S100Z: variants seen among roughly 807,000 people sequenced by gnomAD.
S100Z encodes S100 calcium binding protein Z, also known as protein S100-Z.
A neutral mutation model predicts 8.5 loss-of-function variants in S100Z; 11 were observed. The ratio of observed to expected loss-of-function variants is 1.30; its 90% CI spans 0.82 to 2.15. S100Z has a LOEUF of 2.15. S100Z is among the 30% of genes most tolerant of loss of function. The probability of loss-of-function intolerance (pLI) is 0.00; values close to 1 mark genes in which losing one functional copy is unlikely to be tolerated. For missense variants in S100Z, 126 were observed against 117.9 expected, an observed-to-expected ratio of 1.07 and a Z score of -0.32; for synonymous variants, 34 against 43.8, an observed-to-expected ratio of 0.78 and a Z score of 0.89.
At chr5:76,895,850 C>T (rs939767044) in intron 4 of S100Z, among the ~76,000 whole-genome samples, 1 of 149,492 alleles carries the variant, frequency 6.7e-6, no homozygotes, top group African/African-American at 2.5e-5. Context: ...GCAATCTCCG[C>T]CTCCCAGGTT....
chr5:76,947,688 C>G, the S100Z span, among the ~76,000 whole-genome samples: 1 of 152,242 alleles, frequency 6.6e-6, no homozygotes, highest in South Asian at 2.1e-4. Flanking sequence ...TTGAGCAGAA[C>G]AGAGAGCCAG....
chr5:76,858,982 T>G (rs1237886983), intron 1 of S100Z, among the ~76,000 whole-genome samples: 3 of 151,890 alleles, frequency 2.0e-5, no homozygotes, highest in Non-Finnish European at 4.4e-5. Context: ...GGCATGAGAG[T>G]GCACGCCTGT....
intron 1 of S100Z, among the ~76,000 whole-genome samples, chr5:76,862,198 G>A (rs542389852): frequency 1.3e-5 from 2 of 151,568 alleles, no homozygotes. Context: ...GAAAAGTAGA[G>A]TAGCCTAATG....
chr5:76,891,939 C>T (rs953295714), intron 4 of S100Z, among the ~76,000 whole-genome samples: 1 of 152,136 alleles, frequency 6.6e-6, no homozygotes, highest in Non-Finnish European at 1.5e-5. Flanking sequence ...TACAGTGGCT[C>T]ACCTGCATCA....
At chr5:76,913,145 T>C (rs537653671) in intron 4 of S100Z, among the ~76,000 whole-genome samples, 15 of 152,380 alleles carry the variant, frequency 9.8e-5, no homozygotes, top group Admixed American at 9.1e-4. Flanking sequence ...TTGTTGTCAG[T>C]GTAAACAAGG....
chr5:76,862,638 T>G (rs1476150138), intron 1 of S100Z, among the ~76,000 whole-genome samples: 1 of 151,814 alleles, frequency 6.6e-6, no homozygotes, highest in Non-Finnish European at 1.5e-5. Flanking sequence ...GTCTCTACTA[T>G]AAATATAAAA....
chr5:76,860,506 T>C (rs1751024969), intron 1 of S100Z, among the ~76,000 whole-genome samples: 1 of 152,106 alleles, frequency 6.6e-6, no homozygotes, highest in South Asian at 2.1e-4. Flanking sequence ...TGGAGTTCTA[T>C]GTTGCAAATC....
At chr5:76,856,441 C>T (rs1410116220) in intron 1 of S100Z, among the ~76,000 whole-genome samples, 1 of 152,222 alleles carries the variant, frequency 6.6e-6, no homozygotes, top group Non-Finnish European at 1.5e-5. Context: ...CTCAGGCGAT[C>T]CACCTGCCTC....
chr5:76,940,605 G>A, the S100Z span, among the ~76,000 whole-genome samples: 1 of 151,956 alleles, frequency 6.6e-6, no homozygotes, highest in Non-Finnish European at 1.5e-5. Flanking sequence ...TAGAGAAGGG[G>A]TTTCACCATG....
intron 1 of S100Z, among the ~76,000 whole-genome samples, chr5:76,859,013 C>G (rs1750969498): frequency 6.6e-6 from 1 of 152,126 alleles, no homozygotes; most frequent in Admixed American, 6.6e-5. Flanking sequence ...ACTCAGTAGG[C>G]TGAGGCATGA....
At chr5:76,930,648 A>G in the S100Z span, among the ~76,000 whole-genome samples, 31,011 of 152,108 alleles carry the variant, frequency 0.2, 3,474 homozygotes, top group Middle Eastern at 0.36. Flanking sequence ...ATTCCCTGTT[A>G]GCTTGTCAGC....
At chr5:76,938,165 T>A in the S100Z span, among the ~76,000 whole-genome samples, 4 of 152,234 alleles carry the variant, frequency 2.6e-5, no homozygotes, top group South Asian at 2.1e-4. Flanking sequence ...CTAATGGGAA[T>A]AGACAGGGGA....
At chr5:76,918,660 A>G (rs549113525) in intron 4 of S100Z, among the ~76,000 whole-genome samples, 1 of 152,322 alleles carries the variant, frequency 6.6e-6, no homozygotes, top group East Asian at 1.9e-4. Context: ...CCACAGTGGT[A>G]TATTTGTTAC....
chr5:76,889,320 C>T lies in S100Z; in HGVS notation c.*2+11486C>T, dbSNP rs192880666. Among the ~76,000 whole-genome samples, 264 of 152,186 alleles carry T rather than the reference C, an allele frequency of 1.7e-3. 4 individuals are homozygous for T. The highest frequency in any genetic ancestry group is 0.012 in the Admixed American group (190 of 15,264). ...AACGTAAGACAAGAGCCCTGGTGTT[C>T]GTCCGCTCATTGAAGCCGTATCATT... On this transcript the variant is annotated intron_variant, in intron 4 of 4. Transcript: ENST00000317593.
At chr5:76,851,052 T>C (rs1455216972) in intron 1 of S100Z, among the ~76,000 whole-genome samples, 1 of 152,218 alleles carries the variant, frequency 6.6e-6, no homozygotes, top group Non-Finnish European at 1.5e-5. Context: ...CTAATTAACG[T>C]TGGCTACTAT....
At chr5:76,924,027 G>A (rs1025813630), downstream of S100Z, among the ~76,000 whole-genome samples, 2 of 152,056 alleles carry the variant, frequency 1.3e-5, no homozygotes, top group African/African-American at 4.8e-5. Flanking sequence ...AAACACAATT[G>A]CCTTTGATCC....
At chr5:76,934,952 G>A in the S100Z span, among the ~76,000 whole-genome samples, 1 of 152,242 alleles carries the variant, frequency 6.6e-6, no homozygotes, top group African/African-American at 2.4e-5. Context: ...GCCCTTTGTG[G>A]CCCCATGAGT....
At chr5:76,905,086 G>C (rs1744379259) in intron 4 of S100Z, among the ~76,000 whole-genome samples, 1 of 152,038 alleles carries the variant, frequency 6.6e-6, no homozygotes, top group Non-Finnish European at 1.5e-5. Context: ...TAGAGGCCAG[G>C]GATGCTGCTA....
chr5:76,941,810 G>A, the S100Z span, among the ~76,000 whole-genome samples: 1 of 151,992 alleles, frequency 6.6e-6, no homozygotes, highest in Non-Finnish European at 1.5e-5. Context: ...CCCCCTTGAT[G>A]GCAGGGAATC....
Sources: gnomAD v4.1 joint callset for allele counts (sites outside exome capture counted in the v4.1 genomes callset) on GRCh38, gnomAD v4.1.1 for gene constraint, MANE v1.5 for transcripts, NCBI Gene and HGNC (gene_info 2026-07-23, HGNC 2026-07-21) for gene names.